Variants in CHMP7 observed in about 807,000 individuals in gnomAD.
CHMP7 encodes the protein charged multivesicular body protein 7.
In CHMP7, 15 loss-of-function variants were observed where a neutral mutation model predicts 53.7. That is an observed-to-expected ratio of 0.28 (90% CI 0.19 to 0.43). The LOEUF is 0.43. Among genes scored for constraint, CHMP7 ranks in the 20% least tolerant of loss-of-function variants. The pLI is 1.00. For missense variants in CHMP7, 527 were observed against 569.4 expected (o/e 0.93, Z 0.76); for synonymous variants, 261 against 228.0 (o/e 1.14, Z -1.30).
chr8:23,257,201 A>G (rs1341794407), intron 5 of CHMP7, among the ~76,000 whole-genome samples: 1 of 151,478 alleles, frequency 6.6e-6, no homozygotes, highest in Non-Finnish European at 1.5e-5. Context: ...AGCTCAAGCA[A>G]TCTTCCCGCC....
At position 23,249,388 on chromosome 8, in the gene CHMP7, A is replaced by T. The variant is rs369022160; in HGVS notation, c.471+7A>T. On this transcript the variant is annotated splice_region_variant and intron_variant, in intron 3 of 10. Transcript: ENST00000397677. ...CGCTGTGGAGCTGTTGAAGGTGGGT[A>T]CTCAGAAGGGGGTGTCTGGGTGTCA... 1.1e-5 allele frequency: 17 copies of T among 1,589,038 alleles called. No individual in the cohort carries two copies. The highest frequency in any genetic ancestry group is 1.9e-4 in the Middle Eastern group (1 of 5,328).
intron 9 of CHMP7, among the ~76,000 whole-genome samples, chr8:23,259,435 G>A (rs191135289): frequency 0.018 from 2,708 of 150,104 alleles, 30 homozygotes; most frequent in African/African-American, 0.021. Context: ...TTCTCGGCTC[G>A]CTGCAACCTC....
chr8:23,260,060 C>T (rs772057681), intron 9 of CHMP7, 84 bp from the exon 10 acceptor site: 45 of 1,105,534 alleles, frequency 4.1e-5, no homozygotes, highest in South Asian at 3.8e-4. Context: ...TAAAGCTAAG[C>T]GGGTTTTGGT....
Position 23,256,558 on chromosome 8 carries a change from AC to A in CHMP7, c.757del (p.Arg253AlafsTer30). On this transcript the variant is annotated frameshift_variant, in exon 5 of 11. Coordinates refer to ENST00000397677, the MANE Select transcript of CHMP7 (RefSeq NM_152272.5). LOFTEE classifies it high-confidence loss of function. ...TGATGCAGAGTGAACAGCTTCTCTC[AC>A]GCAAAGTGGAGTCCTTATCCCAGGA... ...QLMQSEQLLS[R>X]KVESLSQEAE... 6.2e-7 allele frequency: 1 copy of A among 1,614,050 alleles called. No individual in the cohort carries two copies. The highest frequency in any genetic ancestry group is 2.2e-5 in the East Asian group (1 of 44,882).
At position 23,249,889 on chromosome 8, in the gene CHMP7, C is replaced by T. The variant is rs142893978; in HGVS notation, c.471+508C>T. Among the ~76,000 whole-genome samples the T allele has an allele frequency of 4.8e-4, 73 of 152,302 alleles. 1 individual carries two copies. Among genetic ancestry groups the T allele is most frequent in the African/African-American group, 1.7e-3 (72 of 41,556 alleles). On this transcript the variant is annotated intron_variant, in intron 3 of 10. Coordinates refer to ENST00000397677, the MANE Select transcript of CHMP7 (RefSeq NM_152272.5). ...CCGTCCTAGCCTCCTGGTCAGTCAG[C>T]CTCCTCCCGGCCTGCCTTTCCCACA...
intron 3 of CHMP7, 37 bp from the exon 4 acceptor site, chr8:23,255,210 G>A: frequency 6.2e-7 from 1 of 1,608,452 alleles, no homozygotes; most frequent in Non-Finnish European, 8.5e-7. Context: ...CCATGGCAGT[G>A]GCCAGGGCCT....
Position 23,255,328 on chromosome 8 carries a change from A to T in CHMP7, c.553A>T (p.Thr185Ser). The T allele has an allele frequency of 3.7e-6, 6 of 1,614,058 alleles. No homozygotes were observed. Among genetic ancestry groups the T allele is most frequent in the Non-Finnish European group, 5.1e-6 (6 of 1,180,014 alleles). The change falls in exon 4 of 11, where the codon ACC becomes TCC. Residue 185 changes from threonine (T) to serine (S), a missense_variant. Transcript: ENST00000397677. Reference sequence around the variant, plus strand: ...CGTGGTGGCCCTGTCAGAGCTCAGCACCCTCTGTGCTAACTCCTGCCCAGA... The same window carrying T: ...CGTGGTGGCCCTGTCAGAGCTCAGCTCCCTCTGTGCTAACTCCTGCCCAGA... ...HPVVALSELS[T>S]LCANSCPDER...
chr8:23,244,231 A>G (rs1801614620), intron 1 of CHMP7, among the ~76,000 whole-genome samples: 1 of 152,164 alleles, frequency 6.6e-6, no homozygotes, highest in Non-Finnish European at 1.5e-5. Context: ...CATGATGCCC[A>G]AGGTCATCTA....
At chr8:23,258,171 T>G in intron 6 of CHMP7, 90 bp downstream of exon 6, 3 of 1,440,368 alleles carry the variant, frequency 2.1e-6, no homozygotes, top group Non-Finnish European at 2.9e-6. Flanking sequence ...TGCTGGGGTT[T>G]TGAGGGGGGT....
rs1445624888 is a variant in CHMP7 at position 23,246,435 on chromosome 8, G to A, written c.-261G>A. ...CCGCGCAGGCGCAAGCCTTTCTTTC[G>A]GCACAAAGACCGTGGGAGGAGGGGT... On this transcript the variant is annotated 5_prime_UTR_variant, in exon 2 of 11. Coordinates refer to ENST00000397677, the MANE Select transcript of CHMP7 (RefSeq NM_152272.5). 3.9e-6 allele frequency: 2 copies of A among 508,504 alleles called. No individual in the cohort carries two copies. Among genetic ancestry groups the A allele is most frequent in the Non-Finnish European group, 7.0e-6 (2 of 286,572 alleles). The allele number at this position is 508,504 out of a possible 1,614,324, so 31.5% of individuals were successfully genotyped here. A position where few individuals can be genotyped will look rare whatever the true frequency, so the allele number is the denominator to read the frequency against.
chr8:23,246,555 T>C lies in CHMP7; in HGVS notation c.-141T>C, dbSNP rs1324451149. 5.8e-6 allele frequency: 4 copies of C among 685,268 alleles called. No individual in the cohort carries two copies. In the South Asian group the frequency reaches 7.6e-5, roughly 13 times the overall value. 42.4% of individuals were successfully genotyped at this position (685,268 alleles called of 1,614,324 possible). A position where few individuals can be genotyped will look rare whatever the true frequency, so the allele number is the denominator to read the frequency against. The stretch of plus-strand genomic sequence containing the variant: ...GCAACGCATGCGCCTTGAAGACTTA[T>C]GGAACTTATTTCACGCTCAGGGCGG... On this transcript the variant is annotated 5_prime_UTR_variant, in exon 2 of 11. The change abolishes an upstream ATG in the 5' untranslated region. Transcript: ENST00000397677.
At position 23,255,345 on chromosome 8, in the gene CHMP7, C is replaced by T; in HGVS notation, c.570C>T (p.Ser190=). 2 of 1,614,190 alleles carry T rather than the reference C, an allele frequency of 1.2e-6. No individual in the cohort carries two copies. The highest frequency in any genetic ancestry group is 1.3e-5 in the African/African-American group (1 of 75,070). ...AGCTCAGCACCCTCTGTGCTAACTC[C>T]TGCCCAGATGAGAGGACCTTCTACT... The part of the protein sequence containing the change: ...LSELSTLCAN[S]CPDERTFYLV... Residue 190 remains serine, a synonymous_variant, in exon 4 of 11, where the codon TCC becomes TCT. Transcript: ENST00000397677.
intron 3 of CHMP7, among the ~76,000 whole-genome samples, chr8:23,250,158 C>G (rs910575172): frequency 1.3e-5 from 2 of 152,192 alleles, no homozygotes; most frequent in Admixed American, 1.3e-4. Context: ...TCTCTGTCCC[C>G]TCACACGCTC....
In CHMP7 at chr8:23,246,959, G is replaced by T. The variant is rs1172510822; in HGVS notation, c.264G>T (p.Pro88=). Residue 88 remains proline, a synonymous_variant, in exon 2 of 11, where the codon CCG becomes CCT. Coordinates refer to ENST00000397677, the MANE Select transcript of CHMP7 (RefSeq NM_152272.5). ...CCTTTCAGCGCAAGGGGAGCGTCCC[G>T]CTGGGGCTGGCCACGGTGCTGCAGG... ...QEAFQRKGSV[P]LGLATVLQDL... is the part of the protein sequence containing the mutation. 1.3e-5 allele frequency: 20 copies of T among 1,546,060 alleles called. No homozygotes were observed. Among genetic ancestry groups the T allele is most frequent in the Non-Finnish European group, 1.7e-5 (19 of 1,149,246 alleles).
Position 23,256,455 on chromosome 8 carries a change from C to T in CHMP7, c.658-5C>T. The T allele has an allele frequency of 6.2e-7, 1 of 1,600,058 alleles. No individual in the cohort carries two copies. The highest frequency in any genetic ancestry group is 8.6e-7 in the Non-Finnish European group (1 of 1,167,296). ...CAGCAGTAGTAATTTCTCCCTGTCCCTCAGATTGTGAAGTTTGCCCGAGGG... is the reference window on the plus strand; with the variant it reads ...CAGCAGTAGTAATTTCTCCCTGTCCTTCAGATTGTGAAGTTTGCCCGAGGG... On this transcript the variant is annotated splice_region_variant and splice_polypyrimidine_tract_variant and intron_variant, in intron 4 of 10. Coordinates refer to ENST00000397677, the MANE Select transcript of CHMP7 (RefSeq NM_152272.5).
rs368009775 is a variant in CHMP7 at position 23,258,374 on chromosome 8, C to T, written c.885C>T (p.Ile295=). The T allele has an allele frequency of 4.1e-5, 66 of 1,614,038 alleles. No individual in the cohort carries two copies. Among genetic ancestry groups the T allele is most frequent in the Admixed American group, 1.5e-4 (9 of 60,008 alleles). Residue 295 remains isoleucine, a synonymous_variant, in exon 7 of 11, where the codon ATC becomes ATT. Coordinates refer to ENST00000397677, the MANE Select transcript of CHMP7 (RefSeq NM_152272.5). ...LKAKQRTEKR[I]EALHAKLDTV... ...CCAAGCAACGGACAGAGAAGCGCAT[C>T]GAGGCCTTGCATGCCAAGCTGGACA...
At chr8:23,257,933 T>G in intron 5 of CHMP7, 100 bp from the exon 6 acceptor site, 1 of 800,106 alleles carries the variant, frequency 1.2e-6, no homozygotes, top group East Asian at 2.5e-5. Context: ...AGTCTTCAGA[T>G]TTAAAACCAC....
At chr8:23,260,480 A>G in intron 10 of CHMP7, 58 bp from the exon 11 acceptor site, 1 of 1,545,928 alleles carries the variant, frequency 6.5e-7, no homozygotes. Flanking sequence ...AATCACTGGA[A>G]TGCCTTCATC....
intron 9 of CHMP7, 30 bp from the exon 10 acceptor site, chr8:23,260,114 A>G (rs767232558): frequency 5.7e-6 from 9 of 1,587,550 alleles, no homozygotes; most frequent in South Asian, 1.1e-5. Context: ...CCTTGAGTTT[A>G]TGCATCTTTA....
Sources: gnomAD v4.1 joint callset for allele counts (sites outside exome capture counted in the v4.1 genomes callset) on GRCh38, gnomAD v4.1.1 for gene constraint, MANE v1.5 for transcripts, NCBI Gene and HGNC (gene_info 2026-07-23, HGNC 2026-07-21) for gene names.